Variants in NCAPD2 observed in about 807,000 individuals in gnomAD.
The protein encoded by NCAPD2 is condensin complex subunit 1.
Under a neutral mutation model 164.5 loss-of-function variants are expected in NCAPD2, and 100 were observed. That is an observed-to-expected ratio of 0.61 (90% CI 0.52 to 0.72). The LOEUF (loss-of-function observed/expected upper bound fraction) is 0.72, where lower values mean the gene tolerates loss of function less well. Among genes scored for constraint, NCAPD2 ranks in the 30% least tolerant of loss-of-function variants. NCAPD2 has a pLI of 0.00. For missense variants in NCAPD2, 1,560 were observed against 1,749.2 expected, an observed-to-expected ratio of 0.89 and a Z score of 1.93; for synonymous variants, 585 against 642.6, an observed-to-expected ratio of 0.91 and a Z score of 1.36.
chr12:6,530,281 C>T (rs1946359344), intron 29 of NCAPD2, among the ~76,000 whole-genome samples: 5 of 152,228 alleles, frequency 3.3e-5, no homozygotes, highest in Admixed American at 1.3e-4. Context: ...CTTGCCCCTA[C>T]ACATCACAGC....
Position 6,528,365 on chromosome 12 carries a change from G to A in NCAPD2, c.3299+37G>A. Reference sequence around the variant, plus strand: ...CTCACAACGTGGTGGCAGTTCCCAGGAGCCCCGGAGTCTGTTGAGAGTCAG... The same window carrying A: ...CTCACAACGTGGTGGCAGTTCCCAGAAGCCCCGGAGTCTGTTGAGAGTCAG... On this transcript the variant is annotated intron_variant, in intron 25 of 31. Coordinates refer to ENST00000315579, the MANE Select transcript of NCAPD2 (RefSeq NM_014865.4). The surrounding 1 kb of genome is among the most constrained non-coding windows in gnomAD (Gnocchi z 5.1). 1.2e-6 allele frequency: 2 copies of A among 1,611,758 alleles called. No individual in the cohort carries two copies. Among genetic ancestry groups the A allele is most frequent in the Non-Finnish European group, 1.7e-6 (2 of 1,179,294 alleles).
At chr12:6,524,788 A>G (rs940300775) in intron 17 of NCAPD2, among the ~76,000 whole-genome samples, 5 of 152,090 alleles carry the variant, frequency 3.3e-5, no homozygotes, top group Admixed American at 1.3e-4. Context: ...CATTTTAGTG[A>G]GACATTCTGC....
chr12:6,523,399 T>TTTTTTG, intron 17 of NCAPD2, 53 bp downstream of exon 17: 7 of 800,462 alleles, frequency 8.7e-6, no homozygotes, highest in Non-Finnish European at 1.2e-5. Flanking sequence ...ATTTTGGTTG[T>TTTTTTG]TTTTTTTTTT....
At position 6,531,269 on chromosome 12, in the gene NCAPD2, T is replaced by C. The variant is rs1946370583; in HGVS notation, c.4121-58T>C. ...ATTGTCTCACTTGTTCTCTGATATC[T>C]ATTTTTTCACCATCTTTGTGACTCA... On this transcript the variant is annotated intron_variant, in intron 31 of 31. Coordinates refer to ENST00000315579, the MANE Select transcript of NCAPD2 (RefSeq NM_014865.4). This position sits in a 1 kb window ranked among gnomAD's most constrained non-coding sequence, Gnocchi z 4.1. 1 of 1,554,758 alleles carries C rather than the reference T, an allele frequency of 6.4e-7. No individual in the cohort carries two copies. Among genetic ancestry groups the C allele is most frequent in the Non-Finnish European group, 8.8e-7 (1 of 1,132,104 alleles).
chr12:6,509,369 C>A (rs1946125025), intron 2 of NCAPD2, among the ~76,000 whole-genome samples: 1 of 152,144 alleles, frequency 6.6e-6, no homozygotes, highest in African/African-American at 2.4e-5. Context: ...TCAAGCAATT[C>A]TCCTGCCTCA....
At chr12:6,503,788 A>T (rs1272411106) in intron 2 of NCAPD2, among the ~76,000 whole-genome samples, 11 of 141,222 alleles carry the variant, frequency 7.8e-5, no homozygotes, top group Admixed American at 3.5e-4. Flanking sequence ...TTTTTTTTTA[A>T]AAAAGATGGT....
chr12:6,522,654 T>C (rs906311685), intron 15 of NCAPD2, among the ~76,000 whole-genome samples, 174 bp from the exon 16 acceptor site: 2 of 152,200 alleles, frequency 1.3e-5, no homozygotes, highest in South Asian at 4.1e-4. Context: ...TTACAGCTTA[T>C]ACATTTTAAT....
At chr12:6,509,574 A>G (rs1006156769) in intron 2 of NCAPD2, 143 bp from the exon 3 acceptor site, 7 of 805,792 alleles carry the variant, frequency 8.7e-6, no homozygotes, top group South Asian at 6.9e-5. Flanking sequence ...CATCGTCATT[A>G]TAGGTTACAT....
chr12:6,514,690 A>G (rs1946182982), intron 8 of NCAPD2, 83 bp from the exon 9 acceptor site: 2 of 1,606,418 alleles, frequency 1.2e-6, no homozygotes, highest in East Asian at 4.5e-5. Context: ...TCCTTCAGAT[A>G]TTAGATACCT....
intron 29 of NCAPD2, 72 bp from the exon 30 acceptor site, chr12:6,530,619 C>G: frequency 6.3e-7 from 1 of 1,592,672 alleles, no homozygotes; most frequent in Non-Finnish European, 8.5e-7. Flanking sequence ...CCATGTCTTC[C>G]ATGGCCTTGT....
rs1565537173 is a variant in NCAPD2, at chr12:6,495,233, T to G, written c.127+8T>G. ...TTCCACCACAGCTTAGAGGTAAGAG[T>G]CCATAGCTGTCACTGTACCTAGCTC... On this transcript the variant is annotated splice_region_variant and intron_variant, in intron 2 of 31. Transcript: ENST00000315579. 2 of 1,613,874 alleles carry G rather than the reference T, an allele frequency of 1.2e-6. No homozygotes were observed. The highest frequency in any genetic ancestry group is 2.2e-5 in the South Asian group (2 of 91,060).
chr12:6,504,216 T>TATATATACACATATATATACAC lies in NCAPD2; in HGVS notation c.128-5500_128-5499insTATATACACATATATATACACA, dbSNP rs1406807438. On this transcript the variant is annotated intron_variant, in intron 2 of 31. Transcript: ENST00000315579. ...ATATATATATATATATATATATATA[T>TATATATACACATATATATACAC]AGATATAGATATATATATATATATA... Among the ~76,000 whole-genome samples the TATATATACACATATATATACAC allele has an allele frequency of 1.3e-4, 3 of 23,224 alleles. No individual in the cohort carries two copies. In the Admixed American group the frequency reaches 1.7e-3, roughly 13 times the overall value. 15.2% of individuals were successfully genotyped at this position (23,224 alleles called of 152,430 possible).
chr12:6,512,349 ACTT>A (rs879611446), intron 6 of NCAPD2, among the ~76,000 whole-genome samples: 3 of 151,916 alleles, frequency 2.0e-5, no homozygotes, highest in African/African-American at 4.8e-5. Context: ...CTCTAGTAAG[ACTT>A]CTTTGAGATG....
Position 6,528,129 on chromosome 12 carries a change from T to C in NCAPD2, c.3143+38T>C, listed in dbSNP as rs1946333241. Reference sequence around the variant, plus strand: ...GTTGGTACCCCCTTCTCAAGGAAGATGGGGATGAAATGGCTTCCCTAATGA... The same window carrying C: ...GTTGGTACCCCCTTCTCAAGGAAGACGGGGATGAAATGGCTTCCCTAATGA... On this transcript the variant is annotated intron_variant, in intron 24 of 31. Coordinates refer to ENST00000315579, the MANE Select transcript of NCAPD2 (RefSeq NM_014865.4). The surrounding 1 kb of genome is among the most constrained non-coding windows in gnomAD (Gnocchi z 5.1). The C allele has an allele frequency of 6.8e-6, 11 of 1,614,202 alleles. No homozygotes were observed. The highest frequency in any genetic ancestry group is 9.3e-6 in the Non-Finnish European group (11 of 1,180,030).
chr12:6,505,137 C>T (rs958370825), intron 2 of NCAPD2, among the ~76,000 whole-genome samples: 1 of 152,196 alleles, frequency 6.6e-6, no homozygotes, highest in African/African-American at 2.4e-5. Context: ...ATGATCTCGA[C>T]TCACTGGAAC....
Position 6,531,097 on chromosome 12 carries a change from C to A in NCAPD2, c.4120+21C>A, listed in dbSNP as rs143614501. 9.3e-6 allele frequency: 15 copies of A among 1,612,364 alleles called. 1 individual carries two copies. In the East Asian group the frequency reaches 2.9e-4, roughly 31 times the overall value. On this transcript the variant is annotated intron_variant, in intron 31 of 31. Coordinates refer to ENST00000315579, the MANE Select transcript of NCAPD2 (RefSeq NM_014865.4). The surrounding 1 kb of genome is among the most constrained non-coding windows in gnomAD (Gnocchi z 4.1). ...GGAAGGTATGATGCTCCCGCCTGTT[C>A]CCGGCCGAGAAGGCACACAGCTAGG...
chr12:6,494,247 A>G lies in NCAPD2; in HGVS notation c.-24+93A>G, dbSNP rs11614343. The G allele has an allele frequency of 0.36, 54,053 of 152,016 alleles. 10,457 individuals are homozygous for G. The highest frequency in any genetic ancestry group is 0.52 in the African/African-American group (21,416 of 41,410). 9.4% of individuals were successfully genotyped at this position (152,016 alleles called of 1,614,324 possible). On this transcript the variant is annotated intron_variant, in intron 1 of 31. Coordinates refer to ENST00000315579, the MANE Select transcript of NCAPD2 (RefSeq NM_014865.4). ...TGGGCAAAATACAATAGGCCTAGTA[A>G]GTATATCCCTGGGGCGCGATGTGTG...
rs1565539686 is a variant in NCAPD2 at position 6,504,239 on chromosome 12, A to ATATATG, written c.128-5474_128-5473insTGTATA. On this transcript the variant is annotated intron_variant, in intron 2 of 31. Coordinates refer to ENST00000315579, the MANE Select transcript of NCAPD2 (RefSeq NM_014865.4). ...TATAGATATAGATATATATATATAT[A>ATATATG]TATACCATTGGTCCTTGAACAACGT... is the stretch of plus-strand genomic sequence containing the variant. Among the ~76,000 whole-genome samples the ATATATG allele has an allele frequency of 3.6e-3, 316 of 86,900 alleles. 5 individuals are homozygous for ATATATG. Among genetic ancestry groups the ATATATG allele is most frequent in the African/African-American group, 0.012 (285 of 23,246 alleles). The allele number at this position is 86,900 out of a possible 152,430, so 57.0% of individuals were successfully genotyped here. A position where few individuals can be genotyped will look rare whatever the true frequency, so the allele number is the denominator to read the frequency against.
chr12:6,517,669 G>T lies in NCAPD2; in HGVS notation c.1394G>T (p.Arg465Leu), dbSNP rs770586366. Reference sequence around the variant, plus strand: ...TTACAAGAGATGAGGGCCCAGAGGCGAACTGCAGCAGCTTGTAAGTAGTTA... The same window carrying T: ...TTACAAGAGATGAGGGCCCAGAGGCTAACTGCAGCAGCTTGTAAGTAGTTA... ...QKLQEMRAQR[R>L]TAAASAVLDP... Residue 465 changes from arginine to leucine, a missense_variant, in exon 12 of 32, where the codon CGA becomes CTA. Physicochemically the swap from Arg to Leu is moderately radical, Grantham distance 102. Transcript: ENST00000315579. The T allele has an allele frequency of 1.2e-6, 2 of 1,614,104 alleles. No homozygotes were observed. Among genetic ancestry groups the T allele is most frequent in the African/African-American group, 1.3e-5 (1 of 74,928 alleles).
Sources: allele counts gnomAD v4.1 joint callset (sites outside exome capture counted in the v4.1 genomes callset), GRCh38; gene constraint gnomAD v4.1.1; non-coding constraint Gnocchi (gnomAD v3.1); transcripts MANE v1.5; gene names NCBI Gene and HGNC (gene_info 2026-07-23, HGNC 2026-07-21).